The following RBFOX3 variants were observed in gnomAD, a reference collection of about 807,000 sequenced individuals.
RBFOX3 encodes the protein RNA binding fox-1 homolog 3, also known as RNA binding protein fox-1 homolog 3.
Under a neutral mutation model 48.7 loss-of-function variants are expected in RBFOX3, and 17 were observed. That is an observed-to-expected ratio of 0.35 (90% CI 0.24 to 0.52). The LOEUF is 0.52. Ranked by LOEUF, RBFOX3 falls within the 20% of genes least tolerant of loss-of-function variation. RBFOX3 has a pLI of 0.94. For missense variants in RBFOX3, 382 were observed against 497.5 expected, an observed-to-expected ratio of 0.77 and a Z score of 2.21; for synonymous variants, 212 against 209.5, an observed-to-expected ratio of 1.01 and a Z score of -0.10.
chr17:79,398,645 G>A lies in RBFOX3; in HGVS notation c.-175+83809C>T, dbSNP rs71387926. Among the ~76,000 whole-genome samples the A allele has an allele frequency of 3.1e-3, 471 of 152,358 alleles. 2 individuals are homozygous for A. Among genetic ancestry groups the A allele is most frequent in the Non-Finnish European group, 5.3e-3 (360 of 68,028 alleles). On this transcript the variant is annotated intron_variant, in intron 2 of 14. Transcript: ENST00000693108. ...GCGTACAGGGCGGCCTCCACCGTGGGCGACGATGCGGCTCCCACGTAGCAG... is the reference window on the plus strand; with the variant it reads ...GCGTACAGGGCGGCCTCCACCGTGGACGACGATGCGGCTCCCACGTAGCAG...
chr17:79,141,717 C>G lies in RBFOX3; in HGVS notation c.-33-25969G>C, dbSNP rs188585918. ...CTCCCTGGGGGTCCTGTTTCCTCAT[C>G]TGTAAAGCAGGCATAAGACAGCCTC... On this transcript the variant is annotated intron_variant, in intron 4 of 14. Transcript: ENST00000693108. Among the ~76,000 whole-genome samples the G allele has an allele frequency of 1.1e-4, 17 of 152,310 alleles. No individual in the cohort carries two copies. In the East Asian group the frequency reaches 2.9e-3, roughly 26 times the overall value.
intron 2 of RBFOX3, among the ~76,000 whole-genome samples, chr17:79,414,805 G>GGGC (rs1304388915): frequency 6.6e-6 from 1 of 152,198 alleles, no homozygotes; most frequent in Non-Finnish European, 1.5e-5. Flanking sequence ...GTGAAAAGAT[G>GGGC]GGCTTTGTAG....
intron 2 of RBFOX3, among the ~76,000 whole-genome samples, chr17:79,405,952 G>A (rs573487109): frequency 3.2e-4 from 49 of 152,298 alleles, no homozygotes; most frequent in Non-Finnish European, 1.3e-4. Context: ...GGGACTGCAC[G>A]CCTTCACTGC....
At chr17:79,414,876 G>A (rs751590806) in intron 2 of RBFOX3, among the ~76,000 whole-genome samples, 12 of 152,220 alleles carry the variant, frequency 7.9e-5, no homozygotes, top group Admixed American at 2.0e-4. Context: ...CCTGGCAGTG[G>A]GTCTGGGACA....
At chr17:79,401,254 C>A (rs1401932085) in intron 2 of RBFOX3, among the ~76,000 whole-genome samples, 1 of 152,228 alleles carries the variant, frequency 6.6e-6, no homozygotes, top group Non-Finnish European at 1.5e-5. Flanking sequence ...GGAAAGGAGC[C>A]CTGAGCGGCG....
intron 1 of RBFOX3, among the ~76,000 whole-genome samples, chr17:79,504,084 C>T (rs1477043030): frequency 1.3e-5 from 2 of 152,062 alleles, no homozygotes; most frequent in African/African-American, 2.4e-5. Context: ...GAGCACCGTC[C>T]CCTGAGAGAG....
chr17:79,512,589 C>T (rs1329334259), intron 1 of RBFOX3, among the ~76,000 whole-genome samples: 13 of 149,196 alleles, frequency 8.7e-5, no homozygotes, highest in East Asian at 4.1e-4. Context: ...ATGTTACCAT[C>T]GGGTACAGCC....
At chr17:79,563,066 G>A (rs892541625) in intron 1 of RBFOX3, among the ~76,000 whole-genome samples, 37 of 152,322 alleles carry the variant, frequency 2.4e-4, no homozygotes, top group African/African-American at 5.5e-4. Context: ...AGAGCGGGCG[G>A]GGGGAGCAAG....
chr17:79,270,153 C>T (rs2067408935), intron 3 of RBFOX3, among the ~76,000 whole-genome samples: 2 of 152,184 alleles, frequency 1.3e-5, no homozygotes, highest in South Asian at 4.1e-4. Context: ...GCTCCTCTTC[C>T]TCAAAAATGT....
At chr17:79,599,601 A>G (rs899908489) in intron 1 of RBFOX3, 7 of 152,200 alleles carry the variant, frequency 4.6e-5, no homozygotes, top group Non-Finnish European at 1.0e-4. Flanking sequence ...GCCCCCCAAC[A>G]AGAGTTTGTT....
At position 79,365,527 on chromosome 17, in the gene RBFOX3, G is replaced by A. The variant is rs1017756841; in HGVS notation, c.-174-57703C>T. On this transcript the variant is annotated intron_variant, in intron 2 of 14. Transcript: ENST00000693108. ...TCTAGCGCGGCCCTGGCGCTCCCACGCGAACACCAGATAAATGGATTACGG... is the reference window on the plus strand; with the variant it reads ...TCTAGCGCGGCCCTGGCGCTCCCACACGAACACCAGATAAATGGATTACGG... Among the ~76,000 whole-genome samples the A allele has an allele frequency of 1.3e-4, 20 of 152,222 alleles. No individual in the cohort carries two copies. In the East Asian group the frequency reaches 3.8e-3, roughly 29 times the overall value.
At chr17:79,500,309 G>A (rs2082220245) in intron 1 of RBFOX3, among the ~76,000 whole-genome samples, 1 of 147,286 alleles carries the variant, frequency 6.8e-6, no homozygotes, top group African/African-American at 2.5e-5. Flanking sequence ...CCAGGCTGGA[G>A]TGCAAGGGTG....
At chr17:79,313,744 G>C (rs1230430645) in intron 2 of RBFOX3, among the ~76,000 whole-genome samples, 1 of 152,192 alleles carries the variant, frequency 6.6e-6, no homozygotes, top group African/African-American at 2.4e-5. Context: ...CGACCTCCCA[G>C]CAAGGCTCCT....
At chr17:79,251,739 G>A (rs1356891263) in intron 3 of RBFOX3, among the ~76,000 whole-genome samples, 1 of 152,156 alleles carries the variant, frequency 6.6e-6, no homozygotes, top group African/African-American at 2.4e-5. Context: ...CCGCCCCATT[G>A]TACACTTCAC....
the RBFOX3 span, among the ~76,000 whole-genome samples, chr17:79,634,811 G>A: frequency 3.3e-5 from 5 of 152,004 alleles, no homozygotes; most frequent in Non-Finnish European, 7.4e-5. Flanking sequence ...TGTAATCCCA[G>A]CACTTTGGGA....
intron 2 of RBFOX3, among the ~76,000 whole-genome samples, chr17:79,341,522 G>A (rs942998507): frequency 1.3e-5 from 2 of 152,182 alleles, no homozygotes; most frequent in Non-Finnish European, 2.9e-5. Context: ...AGTGGCGGGT[G>A]TTGGAAGCCA....
intron 1 of RBFOX3, among the ~76,000 whole-genome samples, chr17:79,536,245 T>C (rs782263234): frequency 2.0e-5 from 3 of 152,188 alleles, no homozygotes; most frequent in Admixed American, 1.3e-4. Flanking sequence ...ACCCAGCTAA[T>C]TTTTATATTT....
chr17:79,384,497 T>C (rs1305223246), intron 2 of RBFOX3, among the ~76,000 whole-genome samples: 3 of 152,130 alleles, frequency 2.0e-5, no homozygotes, highest in Non-Finnish European at 4.4e-5. Flanking sequence ...TGGAGAACCG[T>C]CTGCCCTCAA....
intron 4 of RBFOX3, among the ~76,000 whole-genome samples, chr17:79,146,120 C>T (rs948464332): frequency 3.3e-5 from 5 of 152,254 alleles, no homozygotes; most frequent in South Asian, 4.1e-4. Flanking sequence ...CGATGAAGAG[C>T]GGATATGAAT....
Sources: gnomAD v4.1 joint callset for allele counts (sites outside exome capture counted in the v4.1 genomes callset) on GRCh38, gnomAD v4.1.1 for gene constraint, MANE v1.5 for transcripts, NCBI Gene and HGNC (gene_info 2026-07-23, HGNC 2026-07-21) for gene names.